Variants in NAALADL2 observed in about 807,000 individuals in gnomAD.
NAALADL2 encodes inactive N-acetylated-alpha-linked acidic dipeptidase-like protein 2.
A neutral mutation model predicts 87.2 loss-of-function variants in NAALADL2; 76 were observed. That is an observed-to-expected ratio of 0.87 (90% CI 0.72 to 1.05). The LOEUF is 1.05. Ranked by LOEUF, NAALADL2 falls within the 50% of genes least tolerant of loss-of-function variation. NAALADL2 has a pLI of 0.00. For missense variants in NAALADL2, 1,089 were observed against 945.8 expected (o/e 1.15, Z -1.99); for synonymous variants, 354 against 331.0 (o/e 1.07, Z -0.75).
chr3:175,762,192 ATT>A (rs55668165), intron 13 of NAALADL2, among the ~76,000 whole-genome samples: 1 of 114,166 alleles, frequency 8.8e-6, no homozygotes, highest in Non-Finnish European at 1.7e-5. Flanking sequence ...CTGTGTTTCG[ATT>A]TTTTTTTTTT....
In NAALADL2 at chr3:174,952,196, C is replaced by T. The variant is rs191582642; in HGVS notation, c.43+92746C>T. On this transcript the variant is annotated intron_variant, in intron 1 of 13. Transcript: ENST00000454872. ...TTCATCTTTCTAACATAGTTCTTAT[C>T]ATATTACATTGCACTAATTTTCTCT... is the stretch of plus-strand genomic sequence containing the variant. Among the ~76,000 whole-genome samples, 374 of 152,250 alleles carry T rather than the reference C, an allele frequency of 2.5e-3. 5 individuals carry two copies. The highest frequency in any genetic ancestry group is 8.5e-3 in the African/African-American group (355 of 41,552).
intron 1 of NAALADL2, among the ~76,000 whole-genome samples, chr3:175,048,918 T>G (rs1194662558): frequency 2.6e-5 from 4 of 152,146 alleles, no homozygotes; most frequent in Non-Finnish European, 5.9e-5. Flanking sequence ...TTACTAGATA[T>G]GTTGCTTTAG....
intron 2 of NAALADL2, among the ~76,000 whole-genome samples, chr3:175,112,371 C>T (rs1315882620): frequency 6.6e-6 from 1 of 151,626 alleles, no homozygotes; most frequent in Non-Finnish European, 1.5e-5. Flanking sequence ...AAAGTTCTCT[C>T]TCTAAAAATT....
intron 3 of NAALADL2, among the ~76,000 whole-genome samples, chr3:175,249,945 G>A (rs1748714005): frequency 6.6e-6 from 1 of 152,064 alleles, no homozygotes; most frequent in Non-Finnish European, 1.5e-5. Context: ...CGAGGCAGAC[G>A]GATCATCTGA....
intron 3 of NAALADL2, among the ~76,000 whole-genome samples, chr3:174,752,230 C>T (rs1039452259): frequency 6.6e-6 from 1 of 152,132 alleles, no homozygotes; most frequent in Non-Finnish European, 1.5e-5. Flanking sequence ...CCTGTCTCGG[C>T]CTCCCAAAGT....
intron 6 of NAALADL2, among the ~76,000 whole-genome samples, chr3:175,449,767 A>G (rs189205194): frequency 4.1e-4 from 63 of 152,294 alleles, no homozygotes; most frequent in African/African-American, 1.0e-3. Flanking sequence ...TTTCCATAAT[A>G]AATTAACAAC....
chr3:174,651,642 A>G lies in NAALADL2; in HGVS notation c.-114-85999A>G, dbSNP rs967357692. Among the ~76,000 whole-genome samples, 8 of 152,202 alleles carry G rather than the reference A, an allele frequency of 5.3e-5. No individual in the cohort carries two copies. The East Asian group carries it at 1.3e-3, about 26-fold the overall frequency. On this transcript the variant is annotated intron_variant, in intron 2 of 3. Transcript: ENST00000434257. Reference sequence around the variant, plus strand: ...TGATTTACCAAATGTCATGTGGTTAATAAAGGAACAGAGCTCAGACTGAGA... The same window carrying G: ...TGATTTACCAAATGTCATGTGGTTAGTAAAGGAACAGAGCTCAGACTGAGA...
chr3:175,359,738 G>C (rs1239307002), intron 5 of NAALADL2, among the ~76,000 whole-genome samples: 5 of 152,212 alleles, frequency 3.3e-5, no homozygotes, highest in Middle Eastern at 3.4e-3. Flanking sequence ...ATATGGAATA[G>C]AGATATATCA....
At chr3:174,778,156 C>T (rs1323448548) in intron 3 of NAALADL2, among the ~76,000 whole-genome samples, 7 of 152,078 alleles carry the variant, frequency 4.6e-5, no homozygotes, top group African/African-American at 1.7e-4. Context: ...ATGTTGAACT[C>T]TGTCCTCAAT....
intron 1 of NAALADL2, among the ~76,000 whole-genome samples, chr3:175,060,856 T>G (rs1713306977): frequency 6.6e-6 from 1 of 152,170 alleles, no homozygotes; most frequent in African/African-American, 2.4e-5. Context: ...GAGACCAGCC[T>G]GATCAACATG....
chr3:174,725,874 T>A (rs1269538895), intron 2 of NAALADL2, among the ~76,000 whole-genome samples: 1 of 152,202 alleles, frequency 6.6e-6, no homozygotes, highest in Non-Finnish European at 1.5e-5. Flanking sequence ...ATGACCAACT[T>A]GTTTTTAACT....
At chr3:175,574,963 T>C (rs62285570) in intron 9 of NAALADL2, among the ~76,000 whole-genome samples, 21,890 of 152,214 alleles carry the variant, frequency 0.14, 1,702 homozygotes, top group Middle Eastern at 0.2. Context: ...CGTTTCATAG[T>C]TGATGCCATT....
intron 5 of NAALADL2, among the ~76,000 whole-genome samples, chr3:175,382,374 T>G (rs1169621599): frequency 6.6e-6 from 1 of 152,042 alleles, no homozygotes; most frequent in East Asian, 1.9e-4. Flanking sequence ...CAGGAATCTT[T>G]CTGTTTATTT....
At chr3:174,455,849 A>G (rs1164715075) in intron 1 of NAALADL2, among the ~76,000 whole-genome samples, 3 of 152,202 alleles carry the variant, frequency 2.0e-5, no homozygotes, top group Admixed American at 6.5e-5. Flanking sequence ...CCTATTCAAC[A>G]TAGTATTGGA....
chr3:175,471,852 A>G (rs1724954365), intron 9 of NAALADL2, 94 bp downstream of exon 9: 6 of 1,018,892 alleles, frequency 5.9e-6, no homozygotes, highest in Admixed American at 6.0e-5. Context: ...ATTTTTAAAT[A>G]TGCATCAAAT....
chr3:174,853,234 C>T (rs917136699), intron 3 of NAALADL2, among the ~76,000 whole-genome samples: 12 of 119,636 alleles, frequency 1.0e-4, no homozygotes, highest in East Asian at 2.6e-4. Flanking sequence ...AAAAATTAGC[C>T]GGGTGTGGTG....
chr3:174,842,611 T>C (rs1724150937), intron 3 of NAALADL2, among the ~76,000 whole-genome samples: 1 of 152,206 alleles, frequency 6.6e-6, no homozygotes, highest in Non-Finnish European at 1.5e-5. Context: ...TTTTGTTACA[T>C]ACTTCTTTCA....
chr3:175,049,169 C>A (rs1376941271), intron 1 of NAALADL2, among the ~76,000 whole-genome samples: 1 of 151,904 alleles, frequency 6.6e-6, no homozygotes, highest in Non-Finnish European at 1.5e-5. Context: ...GCTCATCAAG[C>A]CATGATGATC....
chr3:174,895,548 G>A (rs1477319943), intron 1 of NAALADL2, among the ~76,000 whole-genome samples: 3 of 152,028 alleles, frequency 2.0e-5, no homozygotes, highest in African/African-American at 7.2e-5. Context: ...AATTCTTCCA[G>A]TAAAGAAAAG....
Sources: allele counts gnomAD v4.1 joint callset (sites outside exome capture counted in the v4.1 genomes callset), GRCh38; gene constraint gnomAD v4.1.1; transcripts MANE v1.5; gene names NCBI Gene and HGNC (gene_info 2026-07-23, HGNC 2026-07-21).